Variants in SLC30A5 observed in about 807,000 individuals in gnomAD.
SLC30A5 encodes the protein proton-coupled zinc antiporter SLC30A5.
A neutral mutation model predicts 79.6 loss-of-function variants in SLC30A5; 33 were observed. That is an observed-to-expected ratio of 0.41 (90% CI 0.31 to 0.55). SLC30A5 has a LOEUF of 0.55. Among genes scored for constraint, SLC30A5 ranks in the 20% least tolerant of loss-of-function variants. The pLI is 0.20. For missense variants in SLC30A5, 788 were observed against 928.1 expected (o/e 0.85, Z 1.96); for synonymous variants, 299 against 319.7 (o/e 0.94, Z 0.69).
intron 15 of SLC30A5, among the ~76,000 whole-genome samples, chr5:69,128,582 G>A (rs1177442343): frequency 6.6e-6 from 1 of 151,906 alleles, no homozygotes; most frequent in African/African-American, 2.4e-5. Flanking sequence ...ATCTGTAACG[G>A]TAATATAGCT....
In SLC30A5 at chr5:69,116,488, T is replaced by C; in HGVS notation, c.1167T>C (p.Gly389=). The stretch of plus-strand genomic sequence containing the variant: ...GAACACCTCTTTATAACTTCATGGG[T>C]GATGCTTTTCAGCATAGCTCTCAAT... ...PEGTPLYNFM[G]DAFQHSSQSI... Residue 389 remains glycine (G), a synonymous_variant, in exon 10 of 16, where the codon GGT becomes GGC. Coordinates refer to ENST00000396591, the MANE Select transcript of SLC30A5 (RefSeq NM_022902.5). This position sits in a 1 kb window ranked among gnomAD's most constrained non-coding sequence, Gnocchi z 4.0. The C allele has an allele frequency of 1.2e-6, 2 of 1,612,404 alleles. No homozygotes were observed. The highest frequency in any genetic ancestry group is 1.7e-6 in the Non-Finnish European group (2 of 1,179,306).
At chr5:69,118,887 A>G (rs11742000) in intron 12 of SLC30A5, among the ~76,000 whole-genome samples, 18 of 138,388 alleles carry the variant, frequency 1.3e-4, no homozygotes, top group Non-Finnish European at 2.4e-4. Flanking sequence ...TGCAGCCTCC[A>G]CCTCTCAGGC....
chr5:69,125,829 C>CCA (rs199569973), intron 14 of SLC30A5, among the ~76,000 whole-genome samples: 29,783 of 135,860 alleles, frequency 0.22, 3,653 homozygotes, highest in East Asian at 0.31. Context: ...CGAGATCACG[C>CCA]CACTGCACTC....
intron 3 of SLC30A5, among the ~76,000 whole-genome samples, chr5:69,103,538 T>TA (rs959554319): frequency 7.2e-5 from 11 of 152,202 alleles, no homozygotes; most frequent in African/African-American, 2.7e-4. Flanking sequence ...TACTGACCCT[T>TA]ACTTTGGGCA....
rs200238569 is a variant in SLC30A5 at position 69,116,358 on chromosome 5, C to T, written c.1073-36C>T. 1.0e-5 allele frequency: 16 copies of T among 1,531,192 alleles called. No homozygotes were observed. Among genetic ancestry groups the T allele is most frequent in the African/African-American group, 9.7e-5 (7 of 71,828 alleles). The allele number at this position is 1,531,192 out of a possible 1,614,324, so 94.9% of individuals were successfully genotyped here. A position where few individuals can be genotyped will look rare whatever the true frequency, so the allele number is the denominator to read the frequency against. On this transcript the variant is annotated intron_variant, in intron 9 of 15. Transcript: ENST00000396591. The surrounding 1 kb of genome is among the most constrained non-coding windows in gnomAD (Gnocchi z 4.0). ...GTGTTGGTTTTGGTAGCTTAAACTT[C>T]GAAAATTTAAACAATATTGTTTTTT...
At position 69,108,440 on chromosome 5, in the gene SLC30A5, G is replaced by A. The variant is rs1746144723; in HGVS notation, c.447+4G>A. 2 of 1,601,126 alleles carry A rather than the reference G, an allele frequency of 1.2e-6. No individual in the cohort carries two copies. The highest frequency in any genetic ancestry group is 1.7e-6 in the Non-Finnish European group (2 of 1,168,614). ...TTCTGGAGGAGGACCAGCAAAGGTA[G>A]AATTTTCCATTATCAGTTACTTGGA... On this transcript the variant is annotated splice_donor_region_variant and intron_variant, in intron 5 of 15. Coordinates refer to ENST00000396591, the MANE Select transcript of SLC30A5 (RefSeq NM_022902.5).
chr5:69,115,982 T>C lies in SLC30A5; in HGVS notation c.840T>C (p.Phe280=), dbSNP rs139559047. 9.3e-6 allele frequency: 15 copies of C among 1,613,984 alleles called. No homozygotes were observed. In the African/African-American group the frequency reaches 1.9e-4, roughly 20 times the overall value. ...TGCCTTTTGCAACGGTTATCTTTTT[T>C]GTCATGATCCTGGATTTCTACGTGG... The part of the protein sequence containing the change: ...LIMPFATVIF[F]VMILDFYVDS... Residue 280 remains phenylalanine, a synonymous_variant, in exon 9 of 16, where the codon TTT becomes TTC. Transcript: ENST00000396591.
intron 1 of SLC30A5, among the ~76,000 whole-genome samples, chr5:69,100,413 T>A (rs1435193190): frequency 1.3e-5 from 2 of 152,130 alleles, no homozygotes; most frequent in African/African-American, 4.8e-5. Flanking sequence ...ATTCTTTGTA[T>A]TTTTTGTAGA....
At position 69,118,685 on chromosome 5, in the gene SLC30A5, A is replaced by T. The variant is rs965021931; in HGVS notation, c.1569+57A>T. On this transcript the variant is annotated intron_variant, in intron 12 of 15. Transcript: ENST00000396591. Reference sequence around the variant, plus strand: ...TAGTCATACTTACATAGTTTTTTCTATCCTAAAGTTTAATTGTTTGCAGTT... The same window carrying T: ...TAGTCATACTTACATAGTTTTTTCTTTCCTAAAGTTTAATTGTTTGCAGTT... The T allele has an allele frequency of 5.6e-6, 8 of 1,437,464 alleles. No individual in the cohort carries two copies. The Admixed American group carries it at 2.1e-4, about 37-fold the overall frequency. The allele number at this position is 1,437,464 out of a possible 1,614,324, so 89.0% of individuals were successfully genotyped here.
chr5:69,111,292 T>C (rs953724336), intron 5 of SLC30A5, among the ~76,000 whole-genome samples: 14 of 148,842 alleles, frequency 9.4e-5, no homozygotes, highest in African/African-American at 3.5e-4. Context: ...ACGCCCGGAC[T>C]TTTTTTTTCT....
chr5:69,125,771 GGAGC>G, intron 14 of SLC30A5, among the ~76,000 whole-genome samples: 1 of 53,208 alleles, frequency 1.9e-5, no homozygotes, highest in Non-Finnish European at 4.6e-5. Context: ...CCTGGGAGGC[GGAGC>G]TTGCAGTGAG....
At chr5:69,096,200 AG>A (rs1561284643) in intron 1 of SLC30A5, among the ~76,000 whole-genome samples, 1 of 152,234 alleles carries the variant, frequency 6.6e-6, no homozygotes, top group East Asian at 1.9e-4. Flanking sequence ...ACTCTCAAAT[AG>A]TCCAGGGGAA....
chr5:69,125,278 G>A (rs1746644890), intron 14 of SLC30A5, among the ~76,000 whole-genome samples: 1 of 152,080 alleles, frequency 6.6e-6, no homozygotes, highest in African/African-American at 2.4e-5. Flanking sequence ...TGTAATCCCA[G>A]CACTTTGGGA....
intron 3 of SLC30A5, 140 bp from the exon 4 acceptor site, chr5:69,104,491 T>C: frequency 1.4e-6 from 2 of 1,393,726 alleles, no homozygotes; most frequent in Non-Finnish European, 1.9e-6. Flanking sequence ...AGGGATCTTA[T>C]GTTTTCTATT....
rs1745651447 is a variant in SLC30A5, at chr5:69,094,276, G to A, written c.21G>A (p.Gly7=). 3 of 1,262,046 alleles carry A rather than the reference G, an allele frequency of 2.4e-6. No individual in the cohort carries two copies. Among genetic ancestry groups the A allele is most frequent in the Admixed American group, 4.2e-5 (1 of 23,890 alleles). 78.2% of individuals were successfully genotyped at this position (1,262,046 alleles called of 1,614,324 possible). A position where few individuals can be genotyped will look rare whatever the true frequency, so the allele number is the denominator to read the frequency against. The change falls in exon 1 of 16, where the codon GGG becomes GGA. Residue 7 remains glycine, a synonymous_variant. Transcript: ENST00000396591. ...CCGGGATGGAGGAGAAATACGGCGG[G>A]GACGTGCTGGCCGGCCCCGGCGGCG... MEEKYG[G]DVLAGPGGGG... is the part of the protein sequence containing the mutation.
At chr5:69,129,361 C>A (rs1272589628) in intron 15 of SLC30A5, 86 bp from the exon 16 acceptor site, 1 of 918,722 alleles carries the variant, frequency 1.1e-6, no homozygotes, top group African/African-American at 1.7e-5. Context: ...GATACTCAAC[C>A]CGTATCAACT....
chr5:69,105,002 C>G (rs1746044334), intron 4 of SLC30A5, among the ~76,000 whole-genome samples: 2 of 152,092 alleles, frequency 1.3e-5, no homozygotes, highest in Admixed American at 1.3e-4. Flanking sequence ...ATCATTTATT[C>G]ATGATCCCTG....
At chr5:69,095,446 T>C (rs1745698966) in intron 1 of SLC30A5, among the ~76,000 whole-genome samples, 1 of 152,124 alleles carries the variant, frequency 6.6e-6, no homozygotes, top group Non-Finnish European at 1.5e-5. Flanking sequence ...GTGATCGGCC[T>C]GCCTCGGTCT....
intron 5 of SLC30A5, among the ~76,000 whole-genome samples, chr5:69,111,307 CTT>C (rs572471039): frequency 1.3e-4 from 12 of 95,086 alleles, no homozygotes; most frequent in South Asian, 3.4e-4. Context: ...TTTTCTTTTT[CTT>C]TTTTTTTTTT....
Sources: allele counts gnomAD v4.1 joint callset (sites outside exome capture counted in the v4.1 genomes callset), GRCh38; gene constraint gnomAD v4.1.1; non-coding constraint Gnocchi (gnomAD v3.1); transcripts MANE v1.5; gene names NCBI Gene and HGNC (gene_info 2026-07-23, HGNC 2026-07-21).